Variants in SOX6 observed in about 807,000 individuals in gnomAD.
The protein encoded by SOX6 is transcription factor SOX-6.
A neutral mutation model predicts 97.8 loss-of-function variants in SOX6; 11 were observed. That is an observed-to-expected ratio of 0.11 (90% CI 0.07 to 0.19). The LOEUF is 0.19. Among genes scored for constraint, SOX6 ranks in the 10% least tolerant of loss-of-function variants. The pLI, the probability that SOX6 is intolerant of heterozygous loss-of-function variation, is 1.00. For synonymous variants in SOX6, 360 were observed against 371.4 expected (o/e 0.97, Z 0.35); for missense variants, 810 against 1,039.5 (o/e 0.78, Z 3.04).
chr11:16,134,459 G>A (rs1054223299), intron 6 of SOX6, among the ~76,000 whole-genome samples: 1 of 152,190 alleles, frequency 6.6e-6, no homozygotes, highest in Non-Finnish European at 1.5e-5. Flanking sequence ...TCATGTTATT[G>A]TTCTTTGCTT....
chr11:16,505,867 C>G (rs1315817629), intron 4 of SOX6, among the ~76,000 whole-genome samples: 3 of 152,208 alleles, frequency 2.0e-5, no homozygotes, highest in African/African-American at 7.2e-5. Flanking sequence ...AGGTGTTAAG[C>G]CTGCAGGTGG....
At chr11:15,977,628 A>G (rs987537371) in intron 15 of SOX6, among the ~76,000 whole-genome samples, 3 of 151,906 alleles carry the variant, frequency 2.0e-5, no homozygotes, top group Admixed American at 6.6e-5. Context: ...CTTTAGTTCA[A>G]TTTAACTCTC....
At chr11:16,366,255 C>T (rs150837305) in intron 1 of SOX6, among the ~76,000 whole-genome samples, 6 of 152,198 alleles carry the variant, frequency 3.9e-5, no homozygotes, top group Non-Finnish European at 7.4e-5. Flanking sequence ...CCCAGTTCTC[C>T]CATACAGTGT....
At chr11:16,516,790 T>C (rs531050081) in intron 4 of SOX6, among the ~76,000 whole-genome samples, 172 of 150,484 alleles carry the variant, frequency 1.1e-3, no homozygotes, top group African/African-American at 3.7e-3. Context: ...ACTATTCCAA[T>C]CAATAGAAAA....
intron 3 of SOX6, among the ~76,000 whole-genome samples, chr11:16,661,524 C>A (rs1847765548): frequency 6.6e-6 from 1 of 152,096 alleles, no homozygotes; most frequent in South Asian, 2.1e-4. Flanking sequence ...AAATCTTACC[C>A]TCTTTTCTGC....
At chr11:16,103,266 A>T (rs182894156) in intron 7 of SOX6, among the ~76,000 whole-genome samples, 30 of 151,170 alleles carry the variant, frequency 2.0e-4, no homozygotes, top group Middle Eastern at 3.4e-3. Context: ...ATGATCATAT[A>T]AAAAAAAGCT....
chr11:16,242,158 A>T (rs1590057246), intron 3 of SOX6, among the ~76,000 whole-genome samples: 1 of 152,244 alleles, frequency 6.6e-6, no homozygotes, highest in African/African-American at 2.4e-5. Flanking sequence ...CATGAGCTGC[A>T]TAAAGACAAA....
At chr11:16,015,284 C>G in intron 12 of SOX6, 1 of 556,084 alleles carries the variant, frequency 1.8e-6, no homozygotes, top group Non-Finnish European at 3.2e-6. Flanking sequence ...GACAGGGAAC[C>G]TGCCAGAGCT....
chr11:16,366,809 T>C (rs1484342359), intron 1 of SOX6, among the ~76,000 whole-genome samples: 1 of 152,170 alleles, frequency 6.6e-6, no homozygotes, highest in Non-Finnish European at 1.5e-5. Flanking sequence ...TACTGTCAGG[T>C]GATAAATTTG....
chr11:16,257,381 C>T (rs1449101448), intron 3 of SOX6, among the ~76,000 whole-genome samples: 2 of 151,810 alleles, frequency 1.3e-5, no homozygotes, highest in East Asian at 3.8e-4. Context: ...TGGAACAGAA[C>T]AGAGCGCTCA....
At chr11:16,001,320 G>A (rs11023821) in intron 13 of SOX6, among the ~76,000 whole-genome samples, 63,885 of 152,056 alleles carry the variant, frequency 0.42, 13,818 homozygotes, top group East Asian at 0.62. Context: ...TGCTTTCACT[G>A]ATTACATTAT....
chr11:16,198,776 A>C (rs965169050), intron 4 of SOX6, among the ~76,000 whole-genome samples: 2 of 152,200 alleles, frequency 1.3e-5, no homozygotes, highest in African/African-American at 4.8e-5. Flanking sequence ...TTGTAGAGGG[A>C]GCAAATACAG....
At chr11:16,135,961 C>T (rs562338140) in intron 6 of SOX6, among the ~76,000 whole-genome samples, 1 of 152,302 alleles carries the variant, frequency 6.6e-6, no homozygotes, top group South Asian at 2.1e-4. Context: ...CCCTGACCAG[C>T]CAGCAGCCAA....
intron 9 of SOX6, among the ~76,000 whole-genome samples, chr11:16,087,278 T>G (rs1290381425): frequency 6.6e-6 from 1 of 152,190 alleles, no homozygotes; most frequent in African/African-American, 2.4e-5. Flanking sequence ...ATATTAATAC[T>G]ACTCATGTTT....
chr11:16,283,097 A>G (rs1035054536), intron 3 of SOX6, among the ~76,000 whole-genome samples: 7 of 142,084 alleles, frequency 4.9e-5, no homozygotes, highest in Non-Finnish European at 1.1e-4. Context: ...TTGTATATAT[A>G]TATATATATA....
chr11:16,055,761 A>T lies in SOX6; in HGVS notation c.1242T>A (p.Thr414=). Residue 414 remains threonine (T), a synonymous_variant, in exon 10 of 16, where the codon ACT becomes ACA. Coordinates refer to ENST00000683767, the MANE Select transcript of SOX6 (RefSeq NM_001367873.1). ...KNEKRGTSPV[T]QVKDEAAAQP... ...TGCAAGGCGAGTGTACCTTAACTTG[A>T]GTTACAGGGCTGGTCCCTCTCTTTT... is the stretch of plus-strand genomic sequence containing the variant. 6.2e-7 allele frequency: 1 copy of T among 1,613,536 alleles called. No homozygotes were observed. The highest frequency in any genetic ancestry group is 1.1e-5 in the South Asian group (1 of 91,082).
At chr11:16,597,844 A>C (rs1201941137) in intron 4 of SOX6, among the ~76,000 whole-genome samples, 1 of 152,042 alleles carries the variant, frequency 6.6e-6, no homozygotes, top group African/African-American at 2.4e-5. Context: ...TAGTTTTATC[A>C]AATTTGAGAA....
At chr11:16,325,605 A>T (rs886565451) in intron 2 of SOX6, among the ~76,000 whole-genome samples, 2 of 152,166 alleles carry the variant, frequency 1.3e-5, no homozygotes, top group African/African-American at 4.8e-5. Context: ...CCTCTACCAA[A>T]CACAGAAAAA....
At chr11:16,129,929 A>T (rs1220686314) in intron 6 of SOX6, among the ~76,000 whole-genome samples, 1 of 152,074 alleles carries the variant, frequency 6.6e-6, no homozygotes, top group East Asian at 1.9e-4. Context: ...ACCACTTCTA[A>T]TCAATATTGT....
Sources: gnomAD v4.1 joint callset for allele counts (sites outside exome capture counted in the v4.1 genomes callset) on GRCh38, gnomAD v4.1.1 for gene constraint, MANE v1.5 for transcripts, NCBI Gene and HGNC (gene_info 2026-07-23, HGNC 2026-07-21) for gene names.